Variants in ALPI observed in about 807,000 individuals in gnomAD.
ALPI encodes alkaline phosphatase, intestinal, also known as intestinal-type alkaline phosphatase.
In ALPI, 50 loss-of-function variants were observed where a neutral mutation model predicts 51.5. That is an observed-to-expected ratio of 0.97 (90% confidence interval 0.77 to 1.23). The LOEUF is 1.23. Ranked by LOEUF, ALPI falls within the 50% of genes most tolerant of loss-of-function variation. The pLI is 0.00. For missense variants in ALPI, 692 were observed against 722.4 expected (o/e 0.96, Z 0.48); for synonymous variants, 322 against 308.2 (o/e 1.04, Z -0.47).
rs1259221392 is a variant in ALPI at position 232,456,858 on chromosome 2, T to C, written c.301-41T>C. ...ACCAGGTCCTTGGTTGGGGTCTGGG[T>C]GTCCGCCCCGAAGTAGAGCTCAGGG... On this transcript the variant is annotated intron_variant, in intron 3 of 10. Transcript: ENST00000295463. The surrounding 1 kb of genome is among the most constrained non-coding windows in gnomAD (Gnocchi z 4.2). The C allele has an allele frequency of 3.1e-6, 5 of 1,609,050 alleles. No homozygotes were observed. The South Asian group carries it at 5.5e-5, about 18-fold the overall frequency.
chr2:232,460,356 G>A lies in ALPI; in HGVS notation c.*1210G>A, dbSNP rs1690288893. ...GGGTGTGGTTGGAGGTCTTTGAGGA[G>A]GGCTGTGACCTGCCCTGGTTGGGAA... On this transcript the variant is annotated 3_prime_UTR_variant, in exon 11 of 11. Coordinates refer to ENST00000295463, the MANE Select transcript of ALPI (RefSeq NM_001631.5). 6.6e-6 allele frequency among the ~76,000 whole-genome samples: 1 copy of A among 151,940 alleles called. No homozygotes were observed. The highest frequency in any genetic ancestry group is 2.1e-4 in the South Asian group (1 of 4,812).
rs758457956 is a variant in ALPI, at chr2:232,457,584, G to T, written c.668G>T (p.Arg223Leu). 1.4e-5 allele frequency: 23 copies of T among 1,612,640 alleles called. No individual in the cohort carries two copies. Among genetic ancestry groups the T allele is most frequent in the Non-Finnish European group, 1.8e-5 (21 of 1,179,298 alleles). The change falls in exon 6 of 11, where the codon CGC (arginine) becomes CTC (leucine). Residue 223 changes from arginine to leucine, a missense_variant. Transcript: ENST00000295463. This position sits in a 1 kb window ranked among gnomAD's most constrained non-coding sequence, Gnocchi z 4.7. ...CCTCAGGTGATCCTTGGCGGAGGCC[G>T]CAAGTACATGTTTCCCATGGGGACC... ...MDIDVILGGG[R>L]KYMFPMGTPD...
rs916243145 is a variant in ALPI, at chr2:232,459,712, G to T, written c.*566G>T. On this transcript the variant is annotated 3_prime_UTR_variant, in exon 11 of 11. Coordinates refer to ENST00000295463, the MANE Select transcript of ALPI (RefSeq NM_001631.5). ...TACTGGATCGGGGATTCCCAGGGGG[G>T]CTTTGACACAGTCCTCTGCTGTCTC... 1 of 156,778 alleles carries T rather than the reference G, an allele frequency of 6.4e-6. No individual in the cohort carries two copies. Among genetic ancestry groups the T allele is most frequent in the Admixed American group, 6.2e-5 (1 of 16,110 alleles). 9.7% of individuals were successfully genotyped at this position (156,778 alleles called of 1,614,324 possible).
At chr2:232,458,560 G>A (rs1254289188) in intron 9 of ALPI, 72 bp from the exon 10 acceptor site, 30 of 1,548,480 alleles carry the variant, frequency 1.9e-5, no homozygotes, top group East Asian at 4.6e-5. Context: ...AAAAAGTGGC[G>A]GTGCCTGGCA....
intron 9 of ALPI, 68 bp from the exon 10 acceptor site, chr2:232,458,564 C>T: frequency 6.4e-7 from 1 of 1,557,674 alleles, no homozygotes; most frequent in South Asian, 1.1e-5. Context: ...AGTGGCGGTG[C>T]CTGGCACATA....
In ALPI at chr2:232,456,931, C is replaced by T. The variant is rs61732032; in HGVS notation, c.333C>T (p.Ser111=). 140,982 of 1,613,426 alleles carry T rather than the reference C, an allele frequency of 0.087. 6,464 individuals are homozygous for T. Among genetic ancestry groups the T allele is most frequent in the Middle Eastern group, 0.13 (777 of 6,062 alleles). ...ATGTGGACAGACAGGTGCCAGACAG[C>T]GCAGCCACAGCCACGGCCTACCTGT... ...TYNVDRQVPD[S]AATATAYLCG... is the part of the protein sequence containing the mutation. The change falls in exon 4 of 11, where the codon AGC becomes AGT. Residue 111 remains serine, a synonymous_variant. Coordinates refer to ENST00000295463, the MANE Select transcript of ALPI (RefSeq NM_001631.5). This position sits in a 1 kb window ranked among gnomAD's most constrained non-coding sequence, Gnocchi z 4.2.
In ALPI at chr2:232,459,913, C is replaced by T. The variant is rs1690281089; in HGVS notation, c.*767C>T. 6.6e-6 allele frequency: 1 copy of T among 152,260 alleles called. No individual in the cohort carries two copies. Among genetic ancestry groups the T allele is most frequent in the Non-Finnish European group, 1.5e-5 (1 of 68,070 alleles). 9.4% of individuals were successfully genotyped at this position (152,260 alleles called of 1,614,324 possible). ...AGGGCAGCAACCCAGAGCCCATGGG[C>T]CCTCCCGGGACATCTGGATGCTGGG... On this transcript the variant is annotated 3_prime_UTR_variant, in exon 11 of 11. Coordinates refer to ENST00000295463, the MANE Select transcript of ALPI (RefSeq NM_001631.5).
Position 232,459,405 on chromosome 2 carries a change from T to G in ALPI, c.*259T>G. On this transcript the variant is annotated 3_prime_UTR_variant, in exon 11 of 11. Transcript: ENST00000295463. ...CCTCAGGTTGTTCTCTGATTCTTCC[T>G]CCCAACCCCAGAGACTGCAGATTTG... 3.9e-6 allele frequency: 2 copies of G among 510,268 alleles called. No individual in the cohort carries two copies. Among genetic ancestry groups the G allele is most frequent in the East Asian group, 3.4e-5 (1 of 29,422 alleles). 31.6% of individuals were successfully genotyped at this position (510,268 alleles called of 1,614,324 possible).
chr2:232,456,767 G>T lies in ALPI; in HGVS notation c.300+72G>T. ...CAAGGATATGGAGTGTGGCAGGAGG[G>T]AGGGAGCCAGGACAGCTGGGGCCTA... is the stretch of plus-strand genomic sequence containing the variant. On this transcript the variant is annotated intron_variant, in intron 3 of 10. Coordinates refer to ENST00000295463, the MANE Select transcript of ALPI (RefSeq NM_001631.5). This position sits in a 1 kb window ranked among gnomAD's most constrained non-coding sequence, Gnocchi z 4.2. The T allele has an allele frequency of 1.3e-6, 2 of 1,544,156 alleles. No homozygotes were observed. Among genetic ancestry groups the T allele is most frequent in the Non-Finnish European group, 8.7e-7 (1 of 1,143,150 alleles).
rs1425483601 is a variant in ALPI, at chr2:232,458,301, G to T, written c.1076G>T (p.Arg359Met). Reference protein sequence around the residue: ...EAVMFDDAIERAGQLTSEEDT... With the variant: ...EAVMFDDAIEMAGQLTSEEDT... ...GTCATGTTCGACGACGCCATTGAGA[G>T]GGCGGGCCAGCTCACCAGCGAGGAG... Residue 359 changes from arginine (R) to methionine (M), a missense_variant, in exon 9 of 11, where the codon AGG becomes ATG. Transcript: ENST00000295463. 6.2e-7 allele frequency: 1 copy of T among 1,614,058 alleles called. No homozygotes were observed. Among genetic ancestry groups the T allele is most frequent in the African/African-American group, 1.3e-5 (1 of 74,924 alleles).
Position 232,458,946 on chromosome 2 carries a change from C to A in ALPI, c.1387C>A (p.Pro463Thr). 1 of 1,602,432 alleles carries A rather than the reference C, an allele frequency of 6.2e-7. No individual in the cohort carries two copies. Among genetic ancestry groups the A allele is most frequent in the South Asian group, 1.1e-5 (1 of 89,642 alleles). ...GEDVAVFARG[P>T]QAHLVHGVQE... ...AGACGTGGCGGTGTTTGCGCGCGGC[C>A]CGCAGGCGCACCTGGTGCATGGTGT... Residue 463 changes from proline to threonine, a missense_variant, in exon 11 of 11, where the codon CCG (proline) becomes ACG (threonine). Coordinates refer to ENST00000295463, the MANE Select transcript of ALPI (RefSeq NM_001631.5).
In ALPI at chr2:232,458,730, G is replaced by A. The variant is rs1177818722; in HGVS notation, c.1282G>A (p.Val428Met). ...YVFNSGVRPD[V>M]NESESGSPDY... is the part of the protein sequence containing the mutation. ...GTTCAACTCAGGCGTGCGACCAGAC[G>A]TGAATGAGAGCGAGAGCGGTGAGTG... The change falls in exon 10 of 11, where the codon GTG becomes ATG. Residue 428 changes from valine to methionine, a missense_variant. Coordinates refer to ENST00000295463, the MANE Select transcript of ALPI (RefSeq NM_001631.5). 8 of 1,613,930 alleles carry A rather than the reference G, an allele frequency of 5.0e-6. No individual in the cohort carries two copies. The highest frequency in any genetic ancestry group is 2.2e-5 in the East Asian group (1 of 44,876).
Position 232,459,135 on chromosome 2 carries a change from G to T in ALPI, c.1576G>T (p.Ala526Ser), listed in dbSNP as rs1286279937. 6 of 1,531,838 alleles carry T rather than the reference G, an allele frequency of 3.9e-6. No individual in the cohort carries two copies. Among genetic ancestry groups the T allele is most frequent in the African/African-American group, 1.4e-5 (1 of 72,848 alleles). The allele number at this position is 1,531,838 out of a possible 1,614,324, so 94.9% of individuals were successfully genotyped here. Residue 526 changes from alanine to serine, a missense_variant, in exon 11 of 11, where the codon GCT (alanine) becomes TCT (serine). Ala to Ser is a moderately conservative substitution (Grantham distance 99). Coordinates refer to ENST00000295463, the MANE Select transcript of ALPI (RefSeq NM_001631.5). ...AGTLLLLGAS[A>S]AP Reference sequence around the variant, plus strand: ...GACCCTGCTGCTGCTGGGGGCGTCCGCTGCTCCCTGAGTGCCCCACTCCGG... The same window carrying T: ...GACCCTGCTGCTGCTGGGGGCGTCCTCTGCTCCCTGAGTGCCCCACTCCGG...
chr2:232,459,636 A>G lies in ALPI; in HGVS notation c.*490A>G, dbSNP rs1690276873. On this transcript the variant is annotated 3_prime_UTR_variant, in exon 11 of 11. Transcript: ENST00000295463. ...GACCCAAGGACTTGGGTGGATCAGG[A>G]CACCTGAAGAAGAGAAGCTTCCGGC... 1 of 160,400 alleles carries G rather than the reference A, an allele frequency of 6.2e-6. No homozygotes were observed. Among genetic ancestry groups the G allele is most frequent in the Non-Finnish European group, 1.4e-5 (1 of 73,572 alleles). 9.9% of individuals were successfully genotyped at this position (160,400 alleles called of 1,614,324 possible).
Position 232,457,799 on chromosome 2 carries a change from C to G in ALPI, c.788C>G (p.Ala263Gly), listed in dbSNP as rs761405805. The change falls in exon 7 of 11, where the codon GCC becomes GGC. Residue 263 changes from alanine (A) to glycine (G), a missense_variant. Coordinates refer to ENST00000295463, the MANE Select transcript of ALPI (RefSeq NM_001631.5). This position sits in a 1 kb window ranked among gnomAD's most constrained non-coding sequence, Gnocchi z 4.7. ...VQEWLAKHQG[A>G]WYVWNRTELM... is the part of the protein sequence containing the mutation. ...AGCCTGGCTCTGTCCCTGCAGGGTG[C>G]CTGGTATGTGTGGAACCGCACTGAG... 1.2e-6 allele frequency: 2 copies of G among 1,613,950 alleles called. No individual in the cohort carries two copies. Among genetic ancestry groups the G allele is most frequent in the Non-Finnish European group, 8.5e-7 (1 of 1,179,926 alleles).
Position 232,458,666 on chromosome 2 carries a change from C to A in ALPI, c.1218C>A (p.Ala406=). ...LAPSKAQDSK[A]YTSILYGNGP... is the part of the protein sequence containing the mutation. ...CCAGCAAGGCTCAGGACAGCAAAGC[C>A]TACACGTCCATCCTGTACGGCAATG... is the stretch of plus-strand genomic sequence containing the variant. Residue 406 remains alanine, a synonymous_variant, in exon 10 of 11, where the codon GCC becomes GCA. Transcript: ENST00000295463. 1 of 1,614,024 alleles carries A rather than the reference C, an allele frequency of 6.2e-7. No homozygotes were observed. Among genetic ancestry groups the A allele is most frequent in the Non-Finnish European group, 8.5e-7 (1 of 1,180,024 alleles).
Position 232,459,418 on chromosome 2 carries a change from G to C in ALPI, c.*272G>C. On this transcript the variant is annotated 3_prime_UTR_variant, in exon 11 of 11. Transcript: ENST00000295463. ...TCTGATTCTTCCTCCCAACCCCAGAGACTGCAGATTTGTGCCATGCGGCTG... is the reference window on the plus strand; with the variant it reads ...TCTGATTCTTCCTCCCAACCCCAGACACTGCAGATTTGTGCCATGCGGCTG... 2.0e-6 allele frequency: 1 copy of C among 496,406 alleles called. No individual in the cohort carries two copies. The highest frequency in any genetic ancestry group is 3.6e-6 in the Non-Finnish European group (1 of 277,606). 30.8% of individuals were successfully genotyped at this position (496,406 alleles called of 1,614,324 possible).
In ALPI at chr2:232,460,629, A is replaced by G. The variant is rs542927680; in HGVS notation, c.*1483A>G. Among the ~76,000 whole-genome samples the G allele has an allele frequency of 6.6e-6, 1 of 152,336 alleles. No individual in the cohort carries two copies. The highest frequency in any genetic ancestry group is 2.4e-5 in the African/African-American group (1 of 41,580). On this transcript the variant is annotated 3_prime_UTR_variant, in exon 11 of 11. Coordinates refer to ENST00000295463, the MANE Select transcript of ALPI (RefSeq NM_001631.5). ...TTCCAGCAAATTTTGCAGTATTACAAATTTATTTGTACATTTACAAAGGTG... is the reference window on the plus strand; with the variant it reads ...TTCCAGCAAATTTTGCAGTATTACAGATTTATTTGTACATTTACAAAGGTG...
intron 9 of ALPI, 47 bp downstream of exon 9, chr2:232,458,455 T>C: frequency 6.3e-7 from 1 of 1,579,018 alleles, no homozygotes; most frequent in Non-Finnish European, 8.6e-7. Flanking sequence ...ATTATGAGGG[T>C]GAAGTTTGAG....
Sources: allele counts gnomAD v4.1 joint callset (sites outside exome capture counted in the v4.1 genomes callset), GRCh38; gene constraint gnomAD v4.1.1; non-coding constraint Gnocchi (gnomAD v3.1); transcripts MANE v1.5; gene names NCBI Gene and HGNC (gene_info 2026-07-23, HGNC 2026-07-21).